The following LRMDA variants were observed in gnomAD, a reference collection of about 807,000 sequenced individuals.
The protein encoded by LRMDA is leucine-rich melanocyte differentiation-associated protein.
A neutral mutation model predicts 29.8 loss-of-function variants in LRMDA; 18 were observed. That is an observed-to-expected ratio of 0.60 (90% CI 0.42 to 0.90). The LOEUF (loss-of-function observed/expected upper bound fraction) is 0.90, where lower values mean the gene tolerates loss of function less well. LRMDA is among the 40% of genes least tolerant of loss of function. The pLI, the probability that LRMDA is intolerant of heterozygous loss-of-function variation, is 0.00. For synonymous variants in LRMDA, 125 were observed against 109.4 expected, an observed-to-expected ratio of 1.14 and a Z score of -0.89; for missense variants, 273 against 273.9, an observed-to-expected ratio of 1.00 and a Z score of 0.02.
At chr10:76,356,647 C>G (rs1841243538) in intron 6 of LRMDA, among the ~76,000 whole-genome samples, 1 of 152,178 alleles carries the variant, frequency 6.6e-6, no homozygotes. Context: ...GACACATCCA[C>G]TTGTGGTCAC....
chr10:76,052,447 C>A (rs1848545386), intron 4 of LRMDA, among the ~76,000 whole-genome samples: 1 of 151,710 alleles, frequency 6.6e-6, no homozygotes, highest in Non-Finnish European at 1.5e-5. Context: ...GGGGAGCAGC[C>A]ATTGCCCTGG....
chr10:75,675,356 G>A (rs1014669304), intron 2 of LRMDA, among the ~76,000 whole-genome samples: 3 of 152,182 alleles, frequency 2.0e-5, no homozygotes, highest in Non-Finnish European at 2.9e-5. Context: ...TTTCCTAGAA[G>A]AAGCTGAAAC....
intron 2 of LRMDA, among the ~76,000 whole-genome samples, chr10:75,712,832 A>G (rs1842453405): frequency 6.8e-6 from 1 of 146,716 alleles, no homozygotes. Context: ...ATTCACTGAC[A>G]CTCATTTAAT....
intron 6 of LRMDA, among the ~76,000 whole-genome samples, chr10:76,363,217 G>GAA (rs1841344679): frequency 5.5e-5 from 1 of 18,072 alleles, no homozygotes; most frequent in African/African-American, 2.6e-4. Context: ...AGGGAAGGAA[G>GAA]AGAAAGAAAG....
chr10:75,614,348 G>A (rs939755330), intron 2 of LRMDA, among the ~76,000 whole-genome samples: 2 of 152,136 alleles, frequency 1.3e-5, no homozygotes, highest in Non-Finnish European at 2.9e-5. Flanking sequence ...AGACTGACGG[G>A]AAGGGATGAT....
At chr10:75,809,807 T>C (rs1843925123) in intron 2 of LRMDA, among the ~76,000 whole-genome samples, 1 of 152,168 alleles carries the variant, frequency 6.6e-6, no homozygotes, top group Non-Finnish European at 1.5e-5. Flanking sequence ...ATGTGAACCA[T>C]TCAGGAGGTC....
intron 5 of LRMDA, among the ~76,000 whole-genome samples, chr10:76,231,104 T>C (rs2132272446): frequency 6.6e-6 from 1 of 151,570 alleles, no homozygotes; most frequent in South Asian, 2.1e-4. Context: ...GCATGCAAAT[T>C]GAAGTGCTTA....
chr10:76,174,637 TC>T (rs1017903799), intron 5 of LRMDA, among the ~76,000 whole-genome samples: 3 of 152,088 alleles, frequency 2.0e-5, no homozygotes, highest in African/African-American at 7.2e-5. Flanking sequence ...AAGCAGAAGG[TC>T]CCTATTCATA....
At chr10:75,573,347 A>C (rs2132071601) in intron 2 of LRMDA, among the ~76,000 whole-genome samples, 1 of 152,172 alleles carries the variant, frequency 6.6e-6, no homozygotes, top group South Asian at 2.1e-4. Context: ...GTTCTGGAAA[A>C]TCCTCAGCTG....
intron 3 of LRMDA, 113 bp downstream of exon 3, chr10:76,036,247 A>G (rs902361637): frequency 9.2e-7 from 1 of 1,083,192 alleles, no homozygotes. Flanking sequence ...CGTGTCAGCT[A>G]AATTAAAGTA....
At position 75,853,281 on chromosome 10, in the gene LRMDA, A is replaced by G. The variant is rs1405963812; in HGVS notation, c.132-182727A>G. Among the ~76,000 whole-genome samples, 5 of 152,150 alleles carry G rather than the reference A, an allele frequency of 3.3e-5. 1 individual carries two copies. The highest frequency in any genetic ancestry group is 2.0e-4 in the Admixed American group (3 of 15,282). On this transcript the variant is annotated intron_variant, in intron 2 of 6. Transcript: ENST00000611255. ...CTATCATCTGCTGCAGGCCTGCCCA[A>G]TTCCCCTAGTGGCCAGTACAGTAAA...
intron 2 of LRMDA, among the ~76,000 whole-genome samples, chr10:75,944,847 G>A (rs1191328303): frequency 6.6e-6 from 1 of 151,230 alleles, no homozygotes; most frequent in Non-Finnish European, 1.5e-5. Flanking sequence ...GTTCTCTAAT[G>A]AGAATTCCCT....
intron 2 of LRMDA, among the ~76,000 whole-genome samples, chr10:75,565,001 A>G (rs1219150575): frequency 2.6e-5 from 4 of 152,330 alleles, no homozygotes; most frequent in East Asian, 3.9e-4. Flanking sequence ...TTTTATTTTA[A>G]TATCCCTTGG....
At chr10:76,132,538 T>C (rs1479860147) in intron 5 of LRMDA, among the ~76,000 whole-genome samples, 2 of 152,232 alleles carry the variant, frequency 1.3e-5, no homozygotes, top group African/African-American at 4.8e-5. Flanking sequence ...AATTATATTG[T>C]CATTCTTTTG....
At chr10:75,638,724 G>A (rs1841417003) in intron 2 of LRMDA, among the ~76,000 whole-genome samples, 1 of 152,172 alleles carries the variant, frequency 6.6e-6, no homozygotes, top group African/African-American at 2.4e-5. Flanking sequence ...ATATATCACT[G>A]TAAAATATAA....
At chr10:76,077,992 A>AT (rs756023731) in intron 5 of LRMDA, among the ~76,000 whole-genome samples, 1,524 of 48,082 alleles carry the variant, frequency 0.032, 555 homozygotes, top group Non-Finnish European at 0.035. Context: ...CAATATTAAC[A>AT]TTTTTTTTTT....
intron 6 of LRMDA, among the ~76,000 whole-genome samples, chr10:76,389,833 A>G (rs535149278): frequency 2.6e-4 from 39 of 152,138 alleles, no homozygotes; most frequent in Non-Finnish European, 5.4e-4. Flanking sequence ...AATAATATCC[A>G]ATTGTATCTA....
chr10:76,363,202 G>GA lies in LRMDA; in HGVS notation c.601+38718dup, dbSNP rs1564520698. ...GGAGGGAGGGAGGGAGGGAGGGAGG[G>GA]AGGGAGGGAAGGAAGAGAAAGAAAG... On this transcript the variant is annotated intron_variant, in intron 6 of 6. Coordinates refer to ENST00000611255, the MANE Select transcript of LRMDA (RefSeq NM_001305581.2). Among the ~76,000 whole-genome samples, 39 of 21,168 alleles carry GA rather than the reference G, an allele frequency of 1.8e-3. 2 individuals carry two copies. Among genetic ancestry groups the GA allele is most frequent in the East Asian group, 3.6e-3 (7 of 1,920 alleles). The allele number at this position is 21,168 out of a possible 152,430, so 13.9% of individuals were successfully genotyped here. A position where few individuals can be genotyped will look rare whatever the true frequency, so the allele number is the denominator to read the frequency against.
chr10:76,160,949 G>A (rs952011229), intron 5 of LRMDA, among the ~76,000 whole-genome samples: 2 of 152,284 alleles, frequency 1.3e-5, no homozygotes, highest in Non-Finnish European at 2.9e-5. Flanking sequence ...ACGTGATTGA[G>A]AGTGTGGGGG....
Sources: allele counts gnomAD v4.1 joint callset (sites outside exome capture counted in the v4.1 genomes callset), GRCh38; gene constraint gnomAD v4.1.1; transcripts MANE v1.5; gene names NCBI Gene and HGNC (gene_info 2026-07-23, HGNC 2026-07-21).